The following TPTE variants were observed in gnomAD, a reference collection of about 807,000 sequenced individuals.
TPTE encodes the protein putative tyrosine-protein phosphatase TPTE.
TPTE carries 59 observed loss-of-function variants against 84.1 expected under a neutral mutation model. The observed-to-expected ratio is 0.70, with a 90% CI of 0.57 to 0.87. TPTE has a LOEUF of 0.87. Ranked by LOEUF, TPTE falls within the 40% of genes least tolerant of loss-of-function variation. TPTE has a pLI of 0.00. For missense variants in TPTE, 382 were observed against 659.6 expected (o/e 0.58, Z 4.61); for synonymous variants, 130 against 223.5 (o/e 0.58, Z 3.73).
chr21:10,540,830 G>A (rs1600868740), intron 4 of TPTE: 3 of 570,890 alleles, frequency 5.3e-6, no homozygotes, highest in Non-Finnish European at 1.0e-5. Context: ...ATTTGAACTA[G>A]AATTAAATGC....
In TPTE at chr21:10,605,519, G is replaced by T. The variant is rs758305832; in HGVS notation, c.1623G>T (p.Met541Ile). The T allele has an allele frequency of 1.2e-6, 2 of 1,614,210 alleles. No homozygotes were observed. The highest frequency in any genetic ancestry group is 1.7e-6 in the Non-Finnish European group (2 of 1,180,000). ...TGGAGATACTTTTTGGCGAGAAAAT[G>T]ACTTCCAGTGATGTTGTAGCTGGAT... ...FAVEILFGEK[M>I]TSSDVVAGSD The change falls in exon 24 of 24, where the codon ATG becomes ATT. Residue 541 changes from methionine (M) to isoleucine (I), a missense_variant. Transcript: ENST00000618007.
intron 22 of TPTE, among the ~76,000 whole-genome samples, 174 bp downstream of exon 22, chr21:10,602,324 ATTTG>A (rs1215763541): frequency 6.6e-6 from 1 of 152,234 alleles, no homozygotes; most frequent in Non-Finnish European, 1.5e-5. Flanking sequence ...ATTTTTGTTC[ATTTG>A]TTTTTTTCTA....
chr21:10,551,348 A>T (rs1192354909), intron 7 of TPTE, among the ~76,000 whole-genome samples: 1 of 152,310 alleles, frequency 6.6e-6, no homozygotes, highest in African/African-American at 2.4e-5. Flanking sequence ...TGACGAGTTA[A>T]TGGGCGCAGC....
chr21:10,584,184 G>C (rs1432507131), intron 17 of TPTE, among the ~76,000 whole-genome samples: 15 of 152,252 alleles, frequency 9.9e-5, no homozygotes, highest in African/African-American at 3.4e-4. Context: ...TATAGAAAGC[G>C]TGCATATTTT....
At chr21:10,533,393 G>C (rs1272508303) in intron 3 of TPTE, among the ~76,000 whole-genome samples, 1 of 152,296 alleles carries the variant, frequency 6.6e-6, no homozygotes, top group Non-Finnish European at 1.5e-5. Context: ...TAAAATCTTG[G>C]TCAGTGTGTT....
chr21:10,585,499 A>G (rs1409029124), intron 17 of TPTE, among the ~76,000 whole-genome samples: 1 of 152,310 alleles, frequency 6.6e-6, no homozygotes, highest in African/African-American at 2.4e-5. Flanking sequence ...TTATTATTAA[A>G]TTGCCGGATT....
At chr21:10,583,042 T>C (rs374474238) in intron 17 of TPTE, among the ~76,000 whole-genome samples, 117 of 152,234 alleles carry the variant, frequency 7.7e-4, no homozygotes, top group African/African-American at 2.7e-3. Flanking sequence ...CCAATAATAC[T>C]GCTTTTAAAA....
chr21:10,562,699 G>C (rs572368288), intron 10 of TPTE, among the ~76,000 whole-genome samples: 30 of 152,402 alleles, frequency 2.0e-4, no homozygotes, highest in African/African-American at 6.5e-4. Context: ...TTGAAGACAG[G>C]CTATTTCAAA....
At chr21:10,528,367 A>T (rs2074117666) in intron 3 of TPTE, among the ~76,000 whole-genome samples, 1 of 152,310 alleles carries the variant, frequency 6.6e-6, no homozygotes. Flanking sequence ...TGTGAAATTC[A>T]GTCTCAGAAT....
intron 10 of TPTE, among the ~76,000 whole-genome samples, chr21:10,566,769 G>C (rs1424616571): frequency 6.6e-6 from 1 of 152,310 alleles, no homozygotes; most frequent in Non-Finnish European, 1.5e-5. Flanking sequence ...CTGAAGTCGG[G>C]AGTTCGAGAC....
chr21:10,583,686 CT>C (rs1221150600), intron 17 of TPTE, among the ~76,000 whole-genome samples: 12 of 152,292 alleles, frequency 7.9e-5, no homozygotes, highest in Admixed American at 4.6e-4. Flanking sequence ...ACTGTATTTT[CT>C]TCGAGAAGGT....
intron 8 of TPTE, 109 bp downstream of exon 8, chr21:10,552,825 T>C (rs546160117): frequency 6.3e-7 from 1 of 1,581,560 alleles, no homozygotes; most frequent in Admixed American, 1.8e-5. Flanking sequence ...TATGGAAAGA[T>C]ATCAAAATGT....
intron 7 of TPTE, among the ~76,000 whole-genome samples, chr21:10,547,348 G>A (rs1401489735): frequency 2.0e-5 from 3 of 152,306 alleles, no homozygotes; most frequent in East Asian, 1.9e-4. Context: ...CAGCATGGAA[G>A]CACTCAGCCT....
At chr21:10,555,175 T>C (rs368838393) in intron 8 of TPTE, among the ~76,000 whole-genome samples, 215 of 152,326 alleles carry the variant, frequency 1.4e-3, no homozygotes, top group African/African-American at 4.9e-3. Flanking sequence ...ATTGGAACTT[T>C]CAGTGTATTA....
At chr21:10,591,127 C>G (rs898394056) in intron 18 of TPTE, among the ~76,000 whole-genome samples, 2 of 152,418 alleles carry the variant, frequency 1.3e-5, no homozygotes, top group Non-Finnish European at 2.9e-5. Flanking sequence ...CAAAGCCTCT[C>G]CTGAATGTAA....
chr21:10,541,096 C>A lies in TPTE; in HGVS notation c.12-16C>A, dbSNP rs1419758205. 6.2e-7 allele frequency: 1 copy of A among 1,612,826 alleles called. No homozygotes were observed. The highest frequency in any genetic ancestry group is 8.5e-7 in the Non-Finnish European group (1 of 1,178,982). Reference sequence around the variant, plus strand: ...ATTACGCATTGGGTCTGACTCTGACCATATTTGTCCTTTAGTCCTGATCCG... The same window carrying A: ...ATTACGCATTGGGTCTGACTCTGACAATATTTGTCCTTTAGTCCTGATCCG... On this transcript the variant is annotated splice_polypyrimidine_tract_variant and intron_variant, in intron 4 of 23. Transcript: ENST00000618007.
chr21:10,531,348 C>G (rs1256550464), intron 3 of TPTE, among the ~76,000 whole-genome samples: 2 of 152,310 alleles, frequency 1.3e-5, no homozygotes, highest in Non-Finnish European at 2.9e-5. Context: ...TAAAAAGAGA[C>G]AAGCGGCTTC....
intron 8 of TPTE, among the ~76,000 whole-genome samples, chr21:10,553,621 A>G (rs529444752): frequency 5.2e-5 from 8 of 152,424 alleles, no homozygotes; most frequent in South Asian, 2.1e-4. Context: ...ATTTTATTTT[A>G]TTTTTAAATT....
chr21:10,525,442 G>A lies in TPTE; in HGVS notation c.-102+754G>A, dbSNP rs1414658382. On this transcript the variant is annotated intron_variant, in intron 2 of 23. Transcript: ENST00000618007. ...GCCTCTGAAACATTAGGAATCTGTT[G>A]AGAATGAAGCTTTCATGCTTGGAGT... Among the ~76,000 whole-genome samples, 10 of 152,298 alleles carry A rather than the reference G, an allele frequency of 6.6e-5. No homozygotes were observed. The East Asian group carries it at 1.3e-3, about 20-fold the overall frequency.
Sources: allele counts gnomAD v4.1 joint callset (sites outside exome capture counted in the v4.1 genomes callset), GRCh38; gene constraint gnomAD v4.1.1; transcripts MANE v1.5; gene names NCBI Gene and HGNC (gene_info 2026-07-23, HGNC 2026-07-21).